Variants in RHCE observed in about 807,000 individuals in gnomAD.
RHCE encodes the protein blood group Rh(CE) polypeptide.
RHCE carries 22 observed loss-of-function variants against 43.8 expected under a neutral mutation model. The observed-to-expected ratio is 0.50, with a 90% CI of 0.36 to 0.72. RHCE has a LOEUF of 0.72. RHCE is among the 30% of genes least tolerant of loss of function. The probability of loss-of-function intolerance (pLI) is 0.00; values close to 1 mark genes in which losing one functional copy is unlikely to be tolerated. For synonymous variants in RHCE, 156 were observed against 210.7 expected, an observed-to-expected ratio of 0.74 and a Z score of 2.25; for missense variants, 385 against 525.4, an observed-to-expected ratio of 0.73 and a Z score of 2.61.
intron 1 of RHCE, among the ~76,000 whole-genome samples, chr1:25,412,604 C>G (rs1422007401): frequency 6.6e-6 from 1 of 151,110 alleles, no homozygotes; most frequent in Non-Finnish European, 1.5e-5. Context: ...CCCAGCTACT[C>G]AGGAGGGTGA....
intron 5 of RHCE, among the ~76,000 whole-genome samples, chr1:25,389,451 T>C (rs1646289031): frequency 6.6e-6 from 1 of 152,148 alleles, no homozygotes; most frequent in Non-Finnish European, 1.5e-5. Flanking sequence ...TTTTGTTTTA[T>C]TTTTTAGAGA....
Position 25,408,756 on chromosome 1 carries a change from C to A in RHCE, c.262G>T (p.Val88Leu), listed in dbSNP as rs990213743. Reference sequence around the variant, plus strand: ...CCGTCCAGCAGGATTGCCCACTGCACACCAAGCGCCAGCATGAAGAGGTTG... The same window carrying A: ...CCGTCCAGCAGGATTGCCCACTGCAAACCAAGCGCCAGCATGAAGAGGTTG... ...AFNLFMLALG[V>L]QWAILLDGFL... The change falls in exon 2 of 10, where the codon GTG becomes TTG. Residue 88 changes from valine to leucine, a missense_variant. This residue lies in a region of RHCE where 110 missense variants were observed against 192.1 expected (regional missense o/e 0.57). Coordinates refer to ENST00000294413, the MANE Select transcript of RHCE (RefSeq NM_020485.8). 1 of 1,282,284 alleles carries A rather than the reference C, an allele frequency of 7.8e-7. No homozygotes were observed. The highest frequency in any genetic ancestry group is 1.4e-5 in the African/African-American group (1 of 72,392). The allele number at this position is 1,282,284 out of a possible 1,614,324, so 79.4% of individuals were successfully genotyped here. A position where few individuals can be genotyped will look rare whatever the true frequency, so the allele number is the denominator to read the frequency against.
At position 25,402,759 on chromosome 1, in the gene RHCE, A is replaced by G. The variant is rs35480550; in HGVS notation, c.336-13T>C. 9.2e-5 allele frequency: 148 copies of G among 1,614,132 alleles called. 1 individual carries two copies. Among genetic ancestry groups the G allele is most frequent in the Admixed American group, 5.0e-4 (30 of 60,022 alleles). ...GGCCAGCCGAATACTGGGGGTGAGA[A>G]GGAGAGCCAGGATGACTGAGAAGGA... On this transcript the variant is annotated splice_polypyrimidine_tract_variant and intron_variant, in intron 2 of 9. Transcript: ENST00000294413.
chr1:25,421,418 A>AG (rs549509398), upstream of RHCE, among the ~76,000 whole-genome samples: 461 of 152,238 alleles, frequency 3.0e-3, 3 homozygotes, highest in African/African-American at 0.011. Context: ...AAGCATTTTA[A>AG]GGGGGGGTGG....
chr1:25,403,644 G>T (rs1448668516), intron 2 of RHCE, among the ~76,000 whole-genome samples: 1 of 151,936 alleles, frequency 6.6e-6, no homozygotes, highest in Admixed American at 6.6e-5. Flanking sequence ...TCATTGGAAG[G>T]AGAGGGTGAT....
chr1:25,423,580 G>T (rs372162251), upstream of RHCE, among the ~76,000 whole-genome samples: 112 of 152,264 alleles, frequency 7.4e-4, 3 homozygotes, highest in South Asian at 0.022. Flanking sequence ...AAAAAGGGAG[G>T]TATCCCTGCA....
At chr1:25,373,134 T>C (rs960296687) in intron 8 of RHCE, among the ~76,000 whole-genome samples, 1 of 151,662 alleles carries the variant, frequency 6.6e-6, no homozygotes, top group Non-Finnish European at 1.5e-5. Flanking sequence ...AAAAACAACA[T>C]GTAAAGAAGA....
At chr1:25,390,299 A>T (rs1156372817) in intron 5 of RHCE, among the ~76,000 whole-genome samples, 2 of 152,204 alleles carry the variant, frequency 1.3e-5, no homozygotes, top group Non-Finnish European at 2.9e-5. Context: ...ACTGAGACTC[A>T]AAACGTTGAA....
chr1:25,391,193 C>A (rs1437379643), intron 4 of RHCE, among the ~76,000 whole-genome samples: 2 of 151,732 alleles, frequency 1.3e-5, no homozygotes, highest in African/African-American at 2.4e-5. Context: ...ATTTTTTTTT[C>A]TTTTTAATTG....
intron 3 of RHCE, among the ~76,000 whole-genome samples, chr1:25,397,497 GAA>G (rs1265383958): frequency 8.8e-6 from 1 of 113,856 alleles, no homozygotes. Context: ...AACTCCATCT[GAA>G]AAAAAAAAAA....
chr1:25,393,030 A>G (rs1348320561), intron 3 of RHCE, among the ~76,000 whole-genome samples: 2 of 152,166 alleles, frequency 1.3e-5, no homozygotes, highest in Non-Finnish European at 2.9e-5. Context: ...TTGTAATACC[A>G]AACTAAGGTC....
rs144331452 is a variant in RHCE at position 25,404,252 on chromosome 1, G to A, written c.336-1506C>T. 5.3e-3 allele frequency among the ~76,000 whole-genome samples: 795 copies of A among 149,916 alleles called. 13 individuals are homozygous for A. Among genetic ancestry groups the A allele is most frequent in the African/African-American group, 0.018 (747 of 40,460 alleles). On this transcript the variant is annotated intron_variant, in intron 2 of 9. Coordinates refer to ENST00000294413, the MANE Select transcript of RHCE (RefSeq NM_020485.8). ...GTATCCCCATTTTACAGAGGGTCAC[G>A]TAGAGGATTAAAATGGACTTTTTGG...
intron 3 of RHCE, among the ~76,000 whole-genome samples, chr1:25,400,378 A>T (rs1571889923): frequency 6.6e-6 from 1 of 151,566 alleles, no homozygotes; most frequent in Non-Finnish European, 1.5e-5. Context: ...CATTCAGCCC[A>T]CCTGGGGCCC....
chr1:25,387,758 T>G (rs181007845), intron 6 of RHCE, among the ~76,000 whole-genome samples: 188 of 152,316 alleles, frequency 1.2e-3, no homozygotes, highest in Middle Eastern at 3.4e-3. Context: ...GTTCCATCCA[T>G]GTTGCTGCAA....
At chr1:25,410,083 G>C (rs2124506638) in intron 1 of RHCE, among the ~76,000 whole-genome samples, 1 of 152,196 alleles carries the variant, frequency 6.6e-6, no homozygotes, top group East Asian at 1.9e-4. Flanking sequence ...TTTTAATAGA[G>C]AAGGGGTTTC....
intron 8 of RHCE, among the ~76,000 whole-genome samples, chr1:25,371,584 GCTGGT>G (rs1370048585): frequency 6.6e-6 from 1 of 151,324 alleles, no homozygotes; most frequent in African/African-American, 2.4e-5. Context: ...TGTTGCCCAG[GCTGGT>G]CTTGAACACC....
At position 25,383,642 on chromosome 1, in the gene RHCE, G is replaced by A. The variant is rs1263394155; in HGVS notation, c.1073+2069C>T. On this transcript the variant is annotated intron_variant, in intron 7 of 9. Transcript: ENST00000294413. The stretch of plus-strand genomic sequence containing the variant: ...TACTCTCAGCAAACCAAAGACTTCC[G>A]GAAGAGAGATCATCACTGTCACTAT... Among the ~76,000 whole-genome samples the A allele has an allele frequency of 4.6e-5, 7 of 152,012 alleles. No homozygotes were observed. In the South Asian group the frequency reaches 8.3e-4, roughly 18 times the overall value.
upstream of RHCE, among the ~76,000 whole-genome samples, chr1:25,425,311 C>T (rs375740507): frequency 6.6e-6 from 1 of 152,180 alleles, no homozygotes; most frequent in African/African-American, 2.4e-5. Flanking sequence ...TTTGCATATG[C>T]TATTTCATCG....
chr1:25,412,697 A>G (rs949980554), intron 1 of RHCE, among the ~76,000 whole-genome samples: 81 of 143,998 alleles, frequency 5.6e-4, no homozygotes, highest in African/African-American at 2.0e-3. Flanking sequence ...CCTAGGCGAC[A>G]GAGGGAGACC....
Sources: gnomAD v4.1 joint callset for allele counts (sites outside exome capture counted in the v4.1 genomes callset) on GRCh38, gnomAD v4.1.1 for gene constraint, gnomAD v4.1.1 regional missense constraint, MANE v1.5 for transcripts, NCBI Gene and HGNC (gene_info 2026-07-23, HGNC 2026-07-21) for gene names.